Variants in TENT4B observed in about 807,000 individuals in gnomAD.
The protein encoded by TENT4B is PAP associated domain containing 5.
In TENT4B, 10 loss-of-function variants were observed where a neutral mutation model predicts 75.0. That is an observed-to-expected ratio of 0.13 (90% confidence interval 0.08 to 0.23). The LOEUF (loss-of-function observed/expected upper bound fraction) is 0.23. TENT4B is among the 10% of genes least tolerant of loss of function. The pLI, the probability that TENT4B is intolerant of heterozygous loss-of-function variation, is 1.00. For missense variants in TENT4B, 579 were observed against 893.8 expected (o/e 0.65, Z 4.49); for synonymous variants, 350 against 357.7 (o/e 0.98, Z 0.24).
intron 1 of TENT4B, among the ~76,000 whole-genome samples, chr16:50,179,102 C>T (rs1221532368): frequency 2.0e-5 from 3 of 152,166 alleles, no homozygotes; most frequent in Admixed American, 6.5e-5. Context: ...GTGGCTCACA[C>T]CTGTAATCCC....
intron 5 of TENT4B, among the ~76,000 whole-genome samples, chr16:50,217,882 C>T (rs1008311915): frequency 3.3e-5 from 5 of 151,844 alleles, no homozygotes; most frequent in Admixed American, 6.6e-5. Flanking sequence ...CATCTCACCT[C>T]AGCCTCCCAA....
At chr16:50,183,204 C>T (rs145192274) in intron 1 of TENT4B, among the ~76,000 whole-genome samples, 8 of 151,854 alleles carry the variant, frequency 5.3e-5, no homozygotes, top group African/African-American at 1.7e-4. Context: ...CCACCACACC[C>T]GGCTAATTTT....
At chr16:50,194,216 CTTT>C (rs5816679) in intron 1 of TENT4B, among the ~76,000 whole-genome samples, 1 of 139,802 alleles carries the variant, frequency 7.2e-6, no homozygotes, top group Admixed American at 7.3e-5. Context: ...TCTTTTCTTT[CTTT>C]TTTTTTTTTT....
intron 1 of TENT4B, among the ~76,000 whole-genome samples, chr16:50,158,526 C>T (rs1567473192): frequency 6.6e-6 from 1 of 152,122 alleles, no homozygotes; most frequent in African/African-American, 2.4e-5. Flanking sequence ...TTTTGAAAGA[C>T]TTAATTGTTT....
chr16:50,222,228 G>A, intron 5 of TENT4B, 78 bp from the exon 6 acceptor site: 1 of 1,327,864 alleles, frequency 7.5e-7, no homozygotes, highest in Non-Finnish European at 1.0e-6. Context: ...ATAATGTAAG[G>A]ACCAATTTAT....
chr16:50,201,051 C>T (rs2030616071), intron 1 of TENT4B, among the ~76,000 whole-genome samples: 1 of 152,098 alleles, frequency 6.6e-6, no homozygotes, highest in Non-Finnish European at 1.5e-5. Flanking sequence ...TCTTCCAGCC[C>T]TCAGCCTCCC....
chr16:50,163,494 G>A (rs957619124), intron 1 of TENT4B, among the ~76,000 whole-genome samples: 3 of 150,204 alleles, frequency 2.0e-5, no homozygotes, highest in African/African-American at 7.4e-5. Context: ...CTGCCTCCTG[G>A]GTTCACGCCA....
intron 1 of TENT4B, among the ~76,000 whole-genome samples, chr16:50,209,426 C>G (rs1038749949): frequency 1.3e-5 from 2 of 152,172 alleles, no homozygotes; most frequent in African/African-American, 4.8e-5. Context: ...ATAATCAAAC[C>G]TGGGAAACTC....
Position 50,229,696 on chromosome 16 carries a change from A to G in TENT4B, c.*368A>G. ...GTTGGTAGGGTGATAGAAACAAAAAACAGTATCAGAGGATGAGGTGGGGAA... is the reference window on the plus strand; with the variant it reads ...GTTGGTAGGGTGATAGAAACAAAAAGCAGTATCAGAGGATGAGGTGGGGAA... On this transcript the variant is annotated 3_prime_UTR_variant, in exon 12 of 12. Transcript: ENST00000561678. 1 of 994,992 alleles carries G rather than the reference A, an allele frequency of 1.0e-6. No homozygotes were observed. The highest frequency in any genetic ancestry group is 4.7e-5 in the South Asian group (1 of 21,410). 61.6% of individuals were successfully genotyped at this position (994,992 alleles called of 1,614,324 possible). A position where few individuals can be genotyped will look rare whatever the true frequency, so the allele number is the denominator to read the frequency against.
chr16:50,178,253 T>G (rs1230347083), intron 1 of TENT4B, among the ~76,000 whole-genome samples: 1 of 151,580 alleles, frequency 6.6e-6, no homozygotes, highest in Non-Finnish European at 1.5e-5. Flanking sequence ...GTCAGGAGTT[T>G]GAGACCAGCC....
rs142093176 is a variant in TENT4B at position 50,234,853 on chromosome 16, G to T, written c.*5525G>T. Reference sequence around the variant, plus strand: ...TTTTAGTGGAATATACATAGATAACGTGTATTTAGAAACTTTGGTGAAGCC... The same window carrying T: ...TTTTAGTGGAATATACATAGATAACTTGTATTTAGAAACTTTGGTGAAGCC... On this transcript the variant is annotated 3_prime_UTR_variant, in exon 12 of 12. Coordinates refer to ENST00000561678, the MANE Select transcript of TENT4B (RefSeq NM_001365324.3). 4.1e-6 allele frequency: 4 copies of T among 985,570 alleles called. No homozygotes were observed. The African/African-American group carries it at 7.0e-5, about 17-fold the overall frequency. The allele number at this position is 985,570 out of a possible 1,614,324, so 61.1% of individuals were successfully genotyped here. A position where few individuals can be genotyped will look rare whatever the true frequency, so the allele number is the denominator to read the frequency against.
chr16:50,153,378 C>CGGAGGGGCGGAG lies in TENT4B; in HGVS notation c.-236_-225dup, dbSNP rs1310019012. On this transcript the variant is annotated 5_prime_UTR_variant, in exon 1 of 12. Coordinates refer to ENST00000561678, the MANE Select transcript of TENT4B (RefSeq NM_001365324.3). ...CAGTGACAGGGGCTCGGCGGAGGGG[C>CGGAGGGGCGGAG]GGAGGGGCGGAGGGAGGGGGGGAGG... Among the ~76,000 whole-genome samples, 4 of 20,112 alleles carry CGGAGGGGCGGAG rather than the reference C, an allele frequency of 2.0e-4. No homozygotes were observed. Among genetic ancestry groups the CGGAGGGGCGGAG allele is most frequent in the South Asian group, 1.4e-3 (1 of 694 alleles). 13.2% of individuals were successfully genotyped at this position (20,112 alleles called of 152,430 possible).
rs2032201717 is a variant in TENT4B at position 50,229,436 on chromosome 16, G to T, written c.*108G>T. 7.4e-7 allele frequency: 1 copy of T among 1,359,706 alleles called. No homozygotes were observed. The highest frequency in any genetic ancestry group is 9.5e-7 in the Non-Finnish European group (1 of 1,056,820). The allele number at this position is 1,359,706 out of a possible 1,614,324, so 84.2% of individuals were successfully genotyped here. On this transcript the variant is annotated 3_prime_UTR_variant, in exon 12 of 12. Transcript: ENST00000561678. Reference sequence around the variant, plus strand: ...AGGAGCCTCACACTGTTCAGACGTTGACTTAGCAACTGCGTTTTTTCCCAG... The same window carrying T: ...AGGAGCCTCACACTGTTCAGACGTTTACTTAGCAACTGCGTTTTTTCCCAG...
chr16:50,204,310 T>G, intron 1 of TENT4B, among the ~76,000 whole-genome samples: 1 of 152,012 alleles, frequency 6.6e-6, no homozygotes, highest in East Asian at 1.9e-4. Context: ...TTTGGAAGTG[T>G]TTTGTTTTTT....
At chr16:50,157,006 G>A (rs1028179792) in intron 1 of TENT4B, among the ~76,000 whole-genome samples, 1 of 152,082 alleles carries the variant, frequency 6.6e-6, no homozygotes. Flanking sequence ...TTTAATATAG[G>A]TATTTAAAAA....
intron 1 of TENT4B, among the ~76,000 whole-genome samples, chr16:50,191,505 C>T (rs1016310172): frequency 3.3e-5 from 5 of 152,166 alleles, no homozygotes; most frequent in African/African-American, 9.7e-5. Context: ...AACTCCTGGG[C>T]TCAAGCAGTC....
intron 1 of TENT4B, among the ~76,000 whole-genome samples, chr16:50,164,680 A>AT (rs1448377165): frequency 1.3e-5 from 2 of 151,816 alleles, no homozygotes; most frequent in East Asian, 1.9e-4. Context: ...TTCAATCTAA[A>AT]TTTTTTTTCT....
chr16:50,158,306 C>T (rs1459964319), intron 1 of TENT4B, among the ~76,000 whole-genome samples: 3 of 151,422 alleles, frequency 2.0e-5, no homozygotes, highest in African/African-American at 4.9e-5. Context: ...AGACTGGTTT[C>T]GAACTTCTGA....
At chr16:50,184,566 C>A (rs1299273090) in intron 1 of TENT4B, among the ~76,000 whole-genome samples, 1 of 152,084 alleles carries the variant, frequency 6.6e-6, no homozygotes, top group Non-Finnish European at 1.5e-5. Context: ...ACGCAGGAGG[C>A]TGAGGCAGGA....
Sources: gnomAD v4.1 joint callset for allele counts (sites outside exome capture counted in the v4.1 genomes callset) on GRCh38, gnomAD v4.1.1 for gene constraint, MANE v1.5 for transcripts, NCBI Gene and HGNC (gene_info 2026-07-23, HGNC 2026-07-21) for gene names.